The following TEP1 variants were observed in gnomAD, a reference collection of about 807,000 sequenced individuals.
The protein encoded by TEP1 is telomerase associated protein 1.
Under a neutral mutation model 306.3 loss-of-function variants are expected in TEP1, and 241 were observed. That is an observed-to-expected ratio of 0.79 (90% CI 0.71 to 0.88). The LOEUF (loss-of-function observed/expected upper bound fraction) is 0.88. TEP1 is among the 40% of genes least tolerant of loss of function. TEP1 has a pLI of 0.00. For missense variants in TEP1, 3,051 were observed against 3,276.1 expected (o/e 0.93, Z 1.68); for synonymous variants, 1,289 against 1,305.5 (o/e 0.99, Z 0.27).
chr14:20,383,414 GC>G, intron 26 of TEP1, 61 bp from the exon 27 acceptor site: 2 of 1,606,464 alleles, frequency 1.2e-6, no homozygotes, highest in Non-Finnish European at 1.7e-6. Flanking sequence ...CATTGGAGAG[GC>G]CTCTCTCCTC....
chr14:20,384,266 G>A, intron 23 of TEP1, 34 bp from the exon 24 acceptor site: 1 of 1,610,334 alleles, frequency 6.2e-7, no homozygotes, highest in Non-Finnish European at 8.5e-7. Context: ...TATCCATGGT[G>A]CCATGCTCCT....
chr14:20,378,705 T>C (rs745822045), intron 37 of TEP1, 49 bp downstream of exon 37: 9 of 1,598,678 alleles, frequency 5.6e-6, no homozygotes, highest in Non-Finnish European at 7.7e-6. Context: ...TTCACGAGGG[T>C]GAGTCATGGC....
rs115075975 is a variant in TEP1, at chr14:20,382,543, C to T, written c.4140+80G>A. On this transcript the variant is annotated intron_variant, in intron 28 of 54. Coordinates refer to ENST00000262715, the MANE Select transcript of TEP1 (RefSeq NM_007110.5). ...TGGGTGATCACAAGACAGCAAAGGACGTGGGATAGGGATGAGACAAAGCAG... is the reference window on the plus strand; with the variant it reads ...TGGGTGATCACAAGACAGCAAAGGATGTGGGATAGGGATGAGACAAAGCAG... 1,503 of 1,570,562 alleles carry T rather than the reference C, an allele frequency of 9.6e-4. 11 individuals carry two copies. The African/African-American group carries it at 0.018, about 19-fold the overall frequency.
chr14:20,391,091 CG>C lies in TEP1; in HGVS notation c.2102del (p.Pro701ArgfsTer2), dbSNP rs753431034. On this transcript the variant is annotated frameshift_variant, in exon 14 of 55. Coordinates refer to ENST00000262715, the MANE Select transcript of TEP1 (RefSeq NM_007110.5). LOFTEE classifies it high-confidence loss of function. ...LCPKSNPQGP[P>X]LNYALLLIGM... ...CAATCAACAGCAGTGCATAGTTCAGCGGGGGCTGATTGGACAAGTGTCAGGG... is the reference window on the plus strand; with the variant it reads ...CAATCAACAGCAGTGCATAGTTCAGCGGGGCTGATTGGACAAGTGTCAGGG... 4.3e-6 allele frequency: 7 copies of C among 1,613,928 alleles called. No homozygotes were observed. The South Asian group carries it at 7.7e-5, about 18-fold the overall frequency.
rs767636064 is a variant in TEP1, at chr14:20,389,737, C to T, written c.2338G>A (p.Asp780Asn). ...CTTTGGCCAAGGAGGATGACCCTGT[C>T]CACCTGTAAGATGAAAAGGGAGAAG... ...LSLAGQRVPV[D>N]RVILLGQSMD... Residue 780 changes from aspartate to asparagine, a missense_variant, in exon 16 of 55, where the codon GAC becomes AAC. Physicochemically the swap from Asp to Asn is conservative, Grantham distance 23 (BLOSUM62 1). Around this residue, in one of 3 missense-constraint regions of TEP1, gnomAD observed 1,507 missense variants for 1,550.5 expected, o/e 0.97. Coordinates refer to ENST00000262715, the MANE Select transcript of TEP1 (RefSeq NM_007110.5). 1.2e-5 allele frequency: 19 copies of T among 1,613,918 alleles called. No individual in the cohort carries two copies. Among genetic ancestry groups the T allele is most frequent in the Admixed American group, 1.7e-5 (1 of 60,000 alleles).
rs1471177820 is a variant in TEP1 at position 20,371,121 on chromosome 14, G to T, written c.7317+97C>A. On this transcript the variant is annotated intron_variant, in intron 51 of 54. Transcript: ENST00000262715. ...AGGATAAGAGGATTTGCAGCCAACT[G>T]CCTTTCCCTTCCCTATCCTCCATGA... The T allele has an allele frequency of 2.9e-6, 3 of 1,025,668 alleles. No individual in the cohort carries two copies. The African/African-American group carries it at 4.8e-5, about 16-fold the overall frequency. The allele number at this position is 1,025,668 out of a possible 1,614,324, so 63.5% of individuals were successfully genotyped here. A position where few individuals can be genotyped will look rare whatever the true frequency, so the allele number is the denominator to read the frequency against.
intron 1 of TEP1, among the ~76,000 whole-genome samples, chr14:20,409,940 T>G (rs948652800): frequency 2.9e-5 from 4 of 139,584 alleles, no homozygotes; most frequent in Non-Finnish European, 6.0e-5. Flanking sequence ...GAGAATGGCG[T>G]GAACCAGGGA....
intron 33 of TEP1, 93 bp downstream of exon 33, chr14:20,380,838 C>T (rs1011665983): frequency 4.6e-6 from 5 of 1,084,802 alleles, no homozygotes; most frequent in Admixed American, 4.3e-5. Context: ...TCCCTGACAC[C>T]CACACCCCTG....
At position 20,401,044 on chromosome 14, in the gene TEP1, T is replaced by C. The variant is rs1363688015; in HGVS notation, c.1489A>G (p.Thr497Ala). The C allele has an allele frequency of 6.2e-7, 1 of 1,614,180 alleles. No homozygotes were observed. Among genetic ancestry groups the C allele is most frequent in the Non-Finnish European group, 8.5e-7 (1 of 1,180,034 alleles). ...CGTAGGCTCAGCTCCCGCTCCCAGG[T>C]CTCTGGCCTAGACAGCTTCATCCTC... is the stretch of plus-strand genomic sequence containing the variant. ...GKRMKLSRPE[T>A]WERELSLRGN... Residue 497 changes from threonine (T) to alanine (A), a missense_variant, in exon 9 of 55, where the codon ACC (threonine) becomes GCC (alanine). Thr to Ala is a moderately conservative substitution (Grantham distance 58, BLOSUM62 0). Coordinates refer to ENST00000262715, the MANE Select transcript of TEP1 (RefSeq NM_007110.5).
rs142469251 is a variant in TEP1 at position 20,386,161 on chromosome 14, C to T, written c.2896G>A (p.Ala966Thr). ...LEVCLGEVEN[A>T]QLFVGILGSR... ...CCCAGAATCCCCACAAACAGCTGTG[C>T]GTTCTCCACCTCCCCAAGGCACACT... is the stretch of plus-strand genomic sequence containing the variant. Residue 966 changes from alanine (A) to threonine (T), a missense_variant, in exon 20 of 55, where the codon GCA becomes ACA. Coordinates refer to ENST00000262715, the MANE Select transcript of TEP1 (RefSeq NM_007110.5). 7.6e-5 allele frequency: 122 copies of T among 1,613,726 alleles called. No homozygotes were observed. The highest frequency in any genetic ancestry group is 9.2e-5 in the Non-Finnish European group (109 of 1,179,858).
chr14:20,377,698 G>T lies in TEP1; in HGVS notation c.5777C>A (p.Ser1926Tyr), dbSNP rs1344301321. Residue 1926 changes from serine to tyrosine, a missense_variant, in exon 40 of 55, where the codon TCT (serine) becomes TAT (tyrosine). By Grantham distance (144) the Ser-to-Tyr change is moderately radical. Transcript: ENST00000262715. ...TGCCACAGAGAGGGCAGGAGAGAGA[G>T]AAAGGGAACCCAGGTGCCCACGGGG... ...GRPRGHLGSL[S>Y]LSPALSVALS... is the part of the protein sequence containing the mutation. 6.2e-7 allele frequency: 1 copy of T among 1,614,092 alleles called. No homozygotes were observed.
At chr14:20,371,002 T>C (rs962260410) in intron 51 of TEP1, among the ~76,000 whole-genome samples, 1 of 152,240 alleles carries the variant, frequency 6.6e-6, no homozygotes, top group Admixed American at 6.5e-5. Context: ...TTCCTATGGC[T>C]TTCTAAAACG....
chr14:20,394,406 A>G (rs1878003591), intron 12 of TEP1, among the ~76,000 whole-genome samples: 1 of 151,952 alleles, frequency 6.6e-6, no homozygotes. Flanking sequence ...TTCAACTGCT[A>G]AATAGCCACA....
At chr14:20,395,752 GA>G in intron 11 of TEP1, 106 bp downstream of exon 11, 1 of 1,493,772 alleles carries the variant, frequency 6.7e-7, no homozygotes, top group Non-Finnish European at 9.2e-7. Flanking sequence ...CCCCCACCCC[GA>G]TACACCCTGA....
At chr14:20,397,981 G>A (rs1036540300) in intron 9 of TEP1, among the ~76,000 whole-genome samples, 3 of 151,900 alleles carry the variant, frequency 2.0e-5, no homozygotes, top group Admixed American at 1.3e-4. Context: ...TCAAACTCCC[G>A]ATCTACAGTG....
At chr14:20,372,709 C>CATT in intron 49 of TEP1, 24 bp downstream of exon 49, 2 of 1,613,938 alleles carry the variant, frequency 1.2e-6, no homozygotes, top group South Asian at 2.2e-5. Flanking sequence ...GTTTCTATCC[C>CATT]ATTAACCCAT....
intron 33 of TEP1, 138 bp from the exon 34 acceptor site, chr14:20,380,613 A>G (rs1885477580): frequency 9.6e-6 from 13 of 1,360,408 alleles, no homozygotes; most frequent in Non-Finnish European, 1.2e-5. Context: ...AATATCTCTT[A>G]AAAGTACAAA....
intron 2 of TEP1, 87 bp from the exon 3 acceptor site, chr14:20,406,487 G>A: frequency 1.4e-6 from 2 of 1,411,132 alleles, no homozygotes; most frequent in South Asian, 1.2e-5. Flanking sequence ...CCAGGCCACG[G>A]GAAAAGTCTA....
At chr14:20,402,546 T>A (rs779922928) in intron 7 of TEP1, among the ~76,000 whole-genome samples, 11 of 152,182 alleles carry the variant, frequency 7.2e-5, no homozygotes, top group Non-Finnish European at 1.5e-4. Context: ...ACTTTAAATA[T>A]AGTAACTTAT....
Sources: allele counts gnomAD v4.1 joint callset (sites outside exome capture counted in the v4.1 genomes callset), GRCh38; gene constraint gnomAD v4.1.1; regional missense constraint gnomAD v4.1.1; transcripts MANE v1.5; gene names NCBI Gene and HGNC (gene_info 2026-07-23, HGNC 2026-07-21).